PCDHA3: variants seen among roughly 807,000 people sequenced by gnomAD.
PCDHA3 encodes the protein protocadherin alpha 3, also known as protocadherin alpha-3.
PCDHA3 carries 41 observed loss-of-function variants against 62.2 expected under a neutral mutation model. That is an observed-to-expected ratio of 0.66 (90% CI 0.51 to 0.86). The LOEUF (loss-of-function observed/expected upper bound fraction) is 0.86, where lower values mean the gene tolerates loss of function less well. PCDHA3 is among the 40% of genes least tolerant of loss of function. PCDHA3 has a pLI of 0.00. For missense variants in PCDHA3, 1,304 were observed against 1,241.2 expected (o/e 1.05, Z -0.76); for synonymous variants, 640 against 555.4 (o/e 1.15, Z -2.14).
At chr5:140,874,202 T>C (rs11741879) in intron 1 of PCDHA3, among the ~76,000 whole-genome samples, 12,321 of 152,316 alleles carry the variant, frequency 0.081, 541 homozygotes, top group Middle Eastern at 0.13. Context: ...TTCAGTTGCC[T>C]TTATTATTAT....
intron 1 of PCDHA3, chr5:140,862,418 G>A (rs868906297): frequency 8.8e-5 from 31 of 352,850 alleles, no homozygotes; most frequent in African/African-American, 6.4e-4. Flanking sequence ...AAAAGGCGCT[G>A]CCCAGAAACT....
At chr5:140,974,291 A>G (rs1417274006) in intron 1 of PCDHA3, among the ~76,000 whole-genome samples, 1 of 152,196 alleles carries the variant, frequency 6.6e-6, no homozygotes, top group Admixed American at 6.5e-5. Context: ...CTGGGCTCCA[A>G]GGAGGTACAA....
At position 140,981,034 on chromosome 5, in the gene PCDHA3, A is replaced by G. The variant is rs376817771; in HGVS notation, c.2454-1441A>G. ...ACTTGAAGGCTGTTAATATTTGGGGAAAAAAAACAGATAATTCTAGAGTGT... is the reference window on the plus strand; with the variant it reads ...ACTTGAAGGCTGTTAATATTTGGGGGAAAAAAACAGATAATTCTAGAGTGT... On this transcript the variant is annotated intron_variant, in intron 2 of 3. Transcript: ENST00000522353. Among the ~76,000 whole-genome samples, 183 of 149,642 alleles carry G rather than the reference A, an allele frequency of 1.2e-3. 1 individual carries two copies. Among genetic ancestry groups the G allele is most frequent in the African/African-American group, 4.1e-3 (163 of 39,298 alleles).
At chr5:140,902,986 T>C (rs569244845) in intron 1 of PCDHA3, among the ~76,000 whole-genome samples, 1 of 152,346 alleles carries the variant, frequency 6.6e-6, no homozygotes, top group East Asian at 1.9e-4. Flanking sequence ...GTTGGTTCCA[T>C]ATTTTTGCAA....
intron 1 of PCDHA3, chr5:140,928,156 T>G (rs1554205560): frequency 6.2e-7 from 1 of 1,614,188 alleles, no homozygotes; most frequent in East Asian, 2.2e-5. Context: ...AGATAGTGGC[T>G]CACCCCCACT....
chr5:140,808,859 G>A (rs267600385), intron 1 of PCDHA3: 1 of 1,613,150 alleles, frequency 6.2e-7, no homozygotes, highest in East Asian at 2.2e-5. Flanking sequence ...CGTGCTGGAC[G>A]AAAACGACAA....
chr5:140,958,066 C>T (rs782243559), intron 1 of PCDHA3, among the ~76,000 whole-genome samples: 2 of 151,900 alleles, frequency 1.3e-5, no homozygotes, highest in African/African-American at 4.8e-5. Context: ...AGAAAAAACA[C>T]AGAAGCAAAA....
In PCDHA3 at chr5:140,969,008, G is replaced by C. The variant is rs782541476; in HGVS notation, c.2395-9941G>C. 29 of 1,614,076 alleles carry C rather than the reference G, an allele frequency of 1.8e-5. 1 individual carries two copies. In the Admixed American group the frequency reaches 4.8e-4, roughly 27 times the overall value. Reference sequence around the variant, plus strand: ...TGCATGCTGTGGAGGCTTCTGTGGAGTAAGGGAAAGGTCCCCTGCAGAACT... The same window carrying C: ...TGCATGCTGTGGAGGCTTCTGTGGACTAAGGGAAAGGTCCCCTGCAGAACT... On this transcript the variant is annotated intron_variant, in intron 1 of 3. Coordinates refer to ENST00000522353, the MANE Select transcript of PCDHA3 (RefSeq NM_018906.3).
intron 1 of PCDHA3, chr5:140,876,390 T>C (rs782772987): frequency 1.2e-6 from 2 of 1,613,902 alleles, no homozygotes; most frequent in African/African-American, 1.3e-5. Context: ...GAATTTATGG[T>C]GAACTGGATT....
intron 1 of PCDHA3, chr5:140,807,118 G>C: frequency 6.5e-7 from 1 of 1,530,056 alleles, no homozygotes; most frequent in Non-Finnish European, 8.9e-7. Context: ...GCACTTGACT[G>C]ACCGATTAAA....
At chr5:140,862,288 G>A in intron 1 of PCDHA3, 1 of 264,980 alleles carries the variant, frequency 3.8e-6, no homozygotes, top group East Asian at 9.0e-5. Context: ...CTGTACAGGA[G>A]GACGCTCCAC....
At chr5:140,869,179 G>A (rs782530772) in intron 1 of PCDHA3, 12 of 1,613,988 alleles carry the variant, frequency 7.4e-6, no homozygotes, top group Middle Eastern at 1.7e-4. Context: ...ATTCTGGGAG[G>A]TGGGGAGCGG....
intron 1 of PCDHA3, among the ~76,000 whole-genome samples, chr5:140,887,104 T>G (rs1554182871): frequency 6.6e-6 from 1 of 151,604 alleles, no homozygotes; most frequent in Admixed American, 6.6e-5. Flanking sequence ...TTTATCTCTT[T>G]TTTTTTTTTT....
At chr5:140,836,132 G>A (rs1774227374) in intron 1 of PCDHA3, 2 of 1,613,758 alleles carry the variant, frequency 1.2e-6, no homozygotes, top group Non-Finnish European at 1.7e-6. Context: ...TTGTGCCGCG[G>A]TCTGTGGGCG....
At chr5:140,825,489 C>T (rs189217781) in intron 1 of PCDHA3, 5 of 150,238 alleles carry the variant, frequency 3.3e-5, no homozygotes, top group East Asian at 3.9e-4. Context: ...GTTGCCCAAA[C>T]GAGTGCAATG....
intron 1 of PCDHA3, chr5:140,884,300 G>C (rs2060088357): frequency 6.2e-7 from 1 of 1,613,712 alleles, no homozygotes; most frequent in Non-Finnish European, 8.5e-7. Context: ...AGCGCCACAG[G>C]CTTCGTCGAG....
At chr5:140,851,029 C>G (rs1554145203) in intron 1 of PCDHA3, 3 of 1,410,832 alleles carry the variant, frequency 2.1e-6, no homozygotes, top group African/African-American at 2.9e-5. Context: ...AAGTAAACCC[C>G]TTAACATTGG....
chr5:140,870,082 C>A lies in PCDHA3; in HGVS notation c.2394+66491C>A, dbSNP rs1326686779. 1.9e-6 allele frequency: 3 copies of A among 1,613,708 alleles called. No individual in the cohort carries two copies. In the Admixed American group the frequency reaches 5.0e-5, roughly 27 times the overall value. ...AGTACAGGCTACAGATAAGGGGACT[C>A]CCCCAATGGCAGGTCACTGTACAGT... On this transcript the variant is annotated intron_variant, in intron 1 of 3. Transcript: ENST00000522353.
At chr5:140,830,108 G>A (rs1472585258) in intron 1 of PCDHA3, 2 of 1,613,452 alleles carry the variant, frequency 1.2e-6, no homozygotes, top group African/African-American at 2.7e-5. Flanking sequence ...GGTGGAGAGT[G>A]GCCAGGCTCC....
Sources: gnomAD v4.1 joint callset for allele counts (sites outside exome capture counted in the v4.1 genomes callset) on GRCh38, gnomAD v4.1.1 for gene constraint, MANE v1.5 for transcripts, NCBI Gene and HGNC (gene_info 2026-07-23, HGNC 2026-07-21) for gene names.